The following MACROD2 variants were observed in gnomAD, a reference collection of about 807,000 sequenced individuals.
MACROD2 encodes ADP-ribose glycohydrolase MACROD2.
In MACROD2, 36 loss-of-function variants were observed where a neutral mutation model predicts 70.4. That is an observed-to-expected ratio of 0.51 (90% CI 0.39 to 0.68). The LOEUF (loss-of-function observed/expected upper bound fraction) is 0.68, where lower values mean the gene tolerates loss of function less well. Ranked by LOEUF, MACROD2 falls within the 30% of genes least tolerant of loss-of-function variation. The pLI is 0.00. For missense variants in MACROD2, 496 were observed against 538.4 expected (o/e 0.92, Z 0.78); for synonymous variants, 172 against 178.8 (o/e 0.96, Z 0.30).
intron 3 of MACROD2, among the ~76,000 whole-genome samples, chr20:14,308,226 C>A (rs2082536804): frequency 6.6e-6 from 1 of 152,108 alleles, no homozygotes; most frequent in Non-Finnish European, 1.5e-5. Flanking sequence ...ACTTTATAAA[C>A]CCAAGCAAAC....
Position 14,708,908 on chromosome 20 carries a change from G to A in MACROD2, c.418+23949G>A, listed in dbSNP as rs933366653. On this transcript the variant is annotated intron_variant, in intron 5 of 17. Transcript: ENST00000684519. ...GCTGGAATTACAGGTGTGAGCCACC[G>A]TGCCTGACCTGAACACCTGTTTTTG... is the stretch of plus-strand genomic sequence containing the variant. Among the ~76,000 whole-genome samples, 6 of 152,142 alleles carry A rather than the reference G, an allele frequency of 3.9e-5. 1 individual carries two copies. The highest frequency in any genetic ancestry group is 1.2e-4 in the African/African-American group (5 of 41,436).
chr20:14,265,548 T>G lies in MACROD2; in HGVS notation c.271+179820T>G, dbSNP rs2082137187. 2.0e-5 allele frequency among the ~76,000 whole-genome samples: 3 copies of G among 152,186 alleles called. No homozygotes were observed. In the South Asian group the frequency reaches 6.2e-4, roughly 32 times the overall value. ...TTTTTACAATAGTTTTTTTCACATT[T>G]TAATATTTGTGAAATGTTAATGACA... On this transcript the variant is annotated intron_variant, in intron 3 of 17. Coordinates refer to ENST00000684519, the MANE Select transcript of MACROD2 (RefSeq NM_001351661.2).
chr20:14,578,071 A>AG (rs1980732801), intron 4 of MACROD2, among the ~76,000 whole-genome samples: 1 of 151,478 alleles, frequency 6.6e-6, no homozygotes. Context: ...CCTTCTTACA[A>AG]TTTTACATAG....
intron 3 of MACROD2, among the ~76,000 whole-genome samples, chr20:14,226,570 T>A (rs1569214979): frequency 6.6e-6 from 1 of 152,000 alleles, no homozygotes; most frequent in African/African-American, 2.4e-5. Flanking sequence ...GAGTTCCGGG[T>A]GGGCGTGGGC....
chr20:15,587,488 A>G (rs1335237151), intron 8 of MACROD2, among the ~76,000 whole-genome samples: 1 of 152,218 alleles, frequency 6.6e-6, no homozygotes, highest in Admixed American at 6.5e-5. Context: ...AACTCATTTC[A>G]GCATTAACCC....
Position 13,995,815 on chromosome 20 carries a change from C to A in MACROD2, c.46+6C>A. 1 of 1,344,206 alleles carries A rather than the reference C, an allele frequency of 7.4e-7. No homozygotes were observed. Among genetic ancestry groups the A allele is most frequent in the Non-Finnish European group, 1.0e-6 (1 of 992,358 alleles). The allele number at this position is 1,344,206 out of a possible 1,614,324, so 83.3% of individuals were successfully genotyped here. A position where few individuals can be genotyped will look rare whatever the true frequency, so the allele number is the denominator to read the frequency against. ...GGTGTGGAGAGAGGAGAAAGGTAAC[C>A]GGCCCGTCGAGTCCTGGGGGTGCGG... On this transcript the variant is annotated splice_donor_region_variant and intron_variant, in intron 1 of 17. Coordinates refer to ENST00000684519, the MANE Select transcript of MACROD2 (RefSeq NM_001351661.2). This position sits in a 1 kb window ranked among gnomAD's most constrained non-coding sequence, Gnocchi z 4.3.
chr20:15,617,292 A>G (rs959704987), intron 8 of MACROD2, among the ~76,000 whole-genome samples: 4 of 152,208 alleles, frequency 2.6e-5, no homozygotes, highest in Non-Finnish European at 5.9e-5. Context: ...ATTCATGTTT[A>G]GATCAGGAAG....
intron 3 of MACROD2, among the ~76,000 whole-genome samples, chr20:14,187,376 A>G (rs2081353775): frequency 6.6e-6 from 1 of 152,184 alleles, no homozygotes; most frequent in Non-Finnish European, 1.5e-5. Context: ...CAAGGGTAAT[A>G]ATATAATGAT....
chr20:15,323,362 A>G (rs775114266), intron 6 of MACROD2, among the ~76,000 whole-genome samples: 1 of 152,234 alleles, frequency 6.6e-6, no homozygotes. Context: ...AAAAGAGTAC[A>G]TATAATATTC....
At chr20:14,864,896 G>A (rs780478529) in intron 5 of MACROD2, among the ~76,000 whole-genome samples, 3 of 152,068 alleles carry the variant, frequency 2.0e-5, no homozygotes, top group Non-Finnish European at 4.4e-5. Flanking sequence ...AGGGCTTAGG[G>A]TATATAGGAG....
intron 5 of MACROD2, among the ~76,000 whole-genome samples, chr20:14,879,001 A>T (rs1267087236): frequency 6.6e-6 from 1 of 152,072 alleles, no homozygotes; most frequent in African/African-American, 2.4e-5. Flanking sequence ...CTTCAGCCAG[A>T]TGTAATCTCT....
chr20:15,075,459 C>T (rs887433952), intron 5 of MACROD2, among the ~76,000 whole-genome samples: 5 of 152,130 alleles, frequency 3.3e-5, no homozygotes, highest in African/African-American at 9.7e-5. Context: ...AAGTTATTAT[C>T]GTGCCTAACA....
chr20:15,067,341 G>A (rs1205147567), intron 5 of MACROD2, among the ~76,000 whole-genome samples: 1 of 151,774 alleles, frequency 6.6e-6, no homozygotes, highest in African/African-American at 2.4e-5. Context: ...ATTTTGTTTT[G>A]TTTTGTTTGT....
At chr20:15,316,787 G>A (rs758610906) in intron 6 of MACROD2, among the ~76,000 whole-genome samples, 4 of 151,868 alleles carry the variant, frequency 2.6e-5, no homozygotes, top group African/African-American at 4.8e-5. Context: ...TAGACCATAC[G>A]GTAGGCCACA....
At chr20:15,697,522 T>G (rs1034086342) in intron 8 of MACROD2, among the ~76,000 whole-genome samples, 3 of 152,162 alleles carry the variant, frequency 2.0e-5, no homozygotes, top group Non-Finnish European at 2.9e-5. Context: ...ATACAATGTG[T>G]ATTCTGTGCT....
rs554372253 is a variant in MACROD2, at chr20:14,769,743, C to T, written c.418+84784C>T. 2.4e-4 allele frequency among the ~76,000 whole-genome samples: 37 copies of T among 152,212 alleles called. No homozygotes were observed. In the South Asian group the frequency reaches 7.5e-3, roughly 31 times the overall value. ...GAAGTCAATTGAAACCTATTGGAAACACACAAGACATAGCACAAATATTGC... is the reference window on the plus strand; with the variant it reads ...GAAGTCAATTGAAACCTATTGGAAATACACAAGACATAGCACAAATATTGC... On this transcript the variant is annotated intron_variant, in intron 5 of 17. Coordinates refer to ENST00000684519, the MANE Select transcript of MACROD2 (RefSeq NM_001351661.2).
chr20:14,140,628 T>G (rs1238398859), intron 3 of MACROD2, among the ~76,000 whole-genome samples: 1 of 152,184 alleles, frequency 6.6e-6, no homozygotes, highest in Non-Finnish European at 1.5e-5. Flanking sequence ...CTTTTTTCTT[T>G]TTTTGCTTGA....
chr20:14,736,966 A>T (rs6042887), intron 5 of MACROD2, among the ~76,000 whole-genome samples: 140,719 of 152,148 alleles, frequency 0.92, 65,130 homozygotes, highest in East Asian at 1. Context: ...TAGAATTTTT[A>T]AAATATACTT....
At chr20:14,525,696 C>T (rs907987458) in intron 4 of MACROD2, among the ~76,000 whole-genome samples, 1 of 152,184 alleles carries the variant, frequency 6.6e-6, no homozygotes, top group African/African-American at 2.4e-5. Flanking sequence ...AGAAGCAGTG[C>T]CCTAATCTGC....
Sources: allele counts gnomAD v4.1 joint callset (sites outside exome capture counted in the v4.1 genomes callset), GRCh38; gene constraint gnomAD v4.1.1; non-coding constraint Gnocchi (gnomAD v3.1); transcripts MANE v1.5; gene names NCBI Gene and HGNC (gene_info 2026-07-23, HGNC 2026-07-21).